FABP7: variants seen among roughly 807,000 people sequenced by gnomAD.
FABP7 encodes the protein fatty acid-binding protein, brain.
Under a neutral mutation model 14.2 loss-of-function variants are expected in FABP7, and 13 were observed. The ratio of observed to expected loss-of-function variants is 0.91; its 90% CI spans 0.59 to 1.45. FABP7 has a LOEUF of 1.45. Among genes scored for constraint, FABP7 ranks in the 40% most tolerant of loss-of-function variants. The pLI is 0.00. For missense variants in FABP7, 149 were observed against 157.6 expected (o/e 0.95, Z 0.29); for synonymous variants, 49 against 51.4 (o/e 0.95, Z 0.20).
upstream of FABP7, among the ~76,000 whole-genome samples, chr6:122,778,211 T>C (rs1780707299): frequency 6.6e-6 from 1 of 152,180 alleles, no homozygotes; most frequent in Non-Finnish European, 1.5e-5. Context: ...GGTTTTTCTG[T>C]TAGCAAAGCA....
At chr6:122,777,022 T>C (rs1780687698), upstream of FABP7, among the ~76,000 whole-genome samples, 1 of 152,330 alleles carries the variant, frequency 6.6e-6, no homozygotes, top group Admixed American at 6.5e-5. Context: ...TGTCACCATC[T>C]CATATTCTTT....
At chr6:122,777,995 T>G (rs1780704374), upstream of FABP7, among the ~76,000 whole-genome samples, 1 of 152,142 alleles carries the variant, frequency 6.6e-6, no homozygotes, top group Non-Finnish European at 1.5e-5. Flanking sequence ...ATATCCCAGC[T>G]TTTTGAGCTG....
chr6:122,775,701 C>CAA (rs371535282), upstream of FABP7, among the ~76,000 whole-genome samples: 813 of 109,558 alleles, frequency 7.4e-3, 4 homozygotes, highest in Admixed American at 0.012. Context: ...ACAACAACAA[C>CAA]AACAAAAAAA....
chr6:122,753,499 A>G, the FABP7 span, among the ~76,000 whole-genome samples: 2 of 152,078 alleles, frequency 1.3e-5, no homozygotes, highest in Non-Finnish European at 2.9e-5. Context: ...GTTCTCGCCC[A>G]TCTGTCACCT....
chr6:122,760,303 C>T, the FABP7 span, among the ~76,000 whole-genome samples: 1 of 152,120 alleles, frequency 6.6e-6, no homozygotes, highest in Non-Finnish European at 1.5e-5. Context: ...AAATGTTCCT[C>T]TTTGTCCCCA....
chr6:122,768,254 A>G, the FABP7 span, among the ~76,000 whole-genome samples: 1 of 152,158 alleles, frequency 6.6e-6, no homozygotes, highest in African/African-American at 2.4e-5. Context: ...GTGAGAGTAT[A>G]AATTGGTGAG....
intron 3 of FABP7, 175 bp downstream of exon 3, chr6:122,781,369 C>T: frequency 2.1e-6 from 3 of 1,451,308 alleles, no homozygotes; most frequent in Non-Finnish European, 2.7e-6. Context: ...CAAAAAGATC[C>T]CAGTTAATTT....
At chr6:122,763,484 G>A in the FABP7 span, among the ~76,000 whole-genome samples, 1 of 152,134 alleles carries the variant, frequency 6.6e-6, no homozygotes, top group African/African-American at 2.4e-5. Context: ...CATGGGCAAG[G>A]ACTTCATGAC....
the FABP7 span, among the ~76,000 whole-genome samples, chr6:122,767,057 T>G: frequency 6.6e-6 from 1 of 152,038 alleles, no homozygotes; most frequent in African/African-American, 2.4e-5. Context: ...TTAAAAAATA[T>G]GTAGAAAAGC....
chr6:122,774,223 G>A, the FABP7 span, among the ~76,000 whole-genome samples: 7 of 151,964 alleles, frequency 4.6e-5, no homozygotes, highest in South Asian at 4.2e-4. Flanking sequence ...TTAGCTGGGC[G>A]TGGTGGTGCA....
At chr6:122,762,054 T>A in the FABP7 span, among the ~76,000 whole-genome samples, 1 of 152,140 alleles carries the variant, frequency 6.6e-6, no homozygotes, top group African/African-American at 2.4e-5. Context: ...GCCAGCGTCA[T>A]CCTGATACCA....
the FABP7 span, among the ~76,000 whole-genome samples, chr6:122,754,634 A>T: frequency 8.9e-6 from 1 of 112,928 alleles, no homozygotes; most frequent in Non-Finnish European, 1.7e-5. Flanking sequence ...CAGTGGTAAC[A>T]ATGGGTGTTT....
At chr6:122,780,819 G>C (rs770608476) in intron 2 of FABP7, among the ~76,000 whole-genome samples, 10 of 152,128 alleles carry the variant, frequency 6.6e-5, no homozygotes, top group Non-Finnish European at 1.5e-4. Context: ...TCATTCTAAG[G>C]CTTTCTTTAG....
At chr6:122,753,525 T>C in the FABP7 span, among the ~76,000 whole-genome samples, 8 of 152,150 alleles carry the variant, frequency 5.3e-5, no homozygotes, top group Non-Finnish European at 7.4e-5. Flanking sequence ...TGACTTGCTG[T>C]GGTGCACATA....
upstream of FABP7, among the ~76,000 whole-genome samples, chr6:122,776,210 A>G (rs1582515950): frequency 6.6e-6 from 1 of 152,316 alleles, no homozygotes; most frequent in African/African-American, 2.4e-5. Context: ...TATATCAAAG[A>G]GTTATCTGTG....
intron 1 of FABP7, 26 bp downstream of exon 1, chr6:122,779,893 C>A: frequency 1.2e-6 from 2 of 1,602,934 alleles, no homozygotes; most frequent in Non-Finnish European, 1.7e-6. Flanking sequence ...ACCGGCTGTT[C>A]TCTTCTCAAC....
chr6:122,757,900 G>T, the FABP7 span, among the ~76,000 whole-genome samples: 3 of 152,056 alleles, frequency 2.0e-5, no homozygotes, highest in East Asian at 3.9e-4. Flanking sequence ...AAATGAGATA[G>T]AATTTGATCT....
chr6:122,749,719 G>A, the FABP7 span, among the ~76,000 whole-genome samples: 1 of 152,216 alleles, frequency 6.6e-6, no homozygotes, highest in African/African-American at 2.4e-5. Flanking sequence ...GCTTTGAGTG[G>A]AGGGAAGATT....
chr6:122,782,876 A>G (rs1780828248), intron 3 of FABP7: 1 of 985,294 alleles, frequency 1.0e-6, no homozygotes, highest in Non-Finnish European at 1.2e-6. Context: ...AATCAATAAA[A>G]GAAAGGACTC....
Sources: gnomAD v4.1 joint callset for allele counts (sites outside exome capture counted in the v4.1 genomes callset) on GRCh38, gnomAD v4.1.1 for gene constraint, MANE v1.5 for transcripts, NCBI Gene and HGNC (gene_info 2026-07-23, HGNC 2026-07-21) for gene names.